Variants in MYOCD observed in about 807,000 individuals in gnomAD.
MYOCD encodes the protein myocardin.
Under a neutral mutation model 96.1 loss-of-function variants are expected in MYOCD, and 32 were observed. That is an observed-to-expected ratio of 0.33 (90% confidence interval 0.25 to 0.45). The LOEUF (loss-of-function observed/expected upper bound fraction) is 0.45, where lower values mean the gene tolerates loss of function less well. Ranked by LOEUF, MYOCD falls within the 20% of genes least tolerant of loss-of-function variation. The pLI, the probability that MYOCD is intolerant of heterozygous loss-of-function variation, is 1.00. For synonymous variants in MYOCD, 469 were observed against 469.0 expected (o/e 1.00, Z 0.00); for missense variants, 1,133 against 1,200.6 (o/e 0.94, Z 0.83).
chr17:12,761,636 C>CACAA (rs1405495986), intron 13 of MYOCD: 1 of 141,968 alleles, frequency 7.0e-6, no homozygotes, highest in Admixed American at 7.1e-5. Context: ...CACACACACA[C>CACAA]ATTTTTGAGA....
intron 2 of MYOCD, among the ~76,000 whole-genome samples, chr17:12,707,875 G>A (rs2031349665): frequency 6.6e-6 from 1 of 152,150 alleles, no homozygotes; most frequent in Non-Finnish European, 1.5e-5. Context: ...AAAAGAGGAA[G>A]AAAAGTTAAT....
At chr17:12,679,316 T>G (rs1910306109) in intron 1 of MYOCD, among the ~76,000 whole-genome samples, 1 of 152,112 alleles carries the variant, frequency 6.6e-6, no homozygotes, top group Non-Finnish European at 1.5e-5. Context: ...CAGGATTGGC[T>G]GGGAGAGGAG....
intron 1 of MYOCD, among the ~76,000 whole-genome samples, chr17:12,678,846 C>T (rs1354966260): frequency 6.6e-6 from 1 of 150,580 alleles, no homozygotes; most frequent in Non-Finnish European, 1.5e-5. Flanking sequence ...TAGGCACCTG[C>T]CACCACACCT....
At chr17:12,692,099 C>T (rs918610401) in intron 1 of MYOCD, among the ~76,000 whole-genome samples, 1 of 152,196 alleles carries the variant, frequency 6.6e-6, no homozygotes, top group South Asian at 2.1e-4. Flanking sequence ...CTATTCACCT[C>T]ATTTTGTGCC....
chr17:12,721,586 A>G (rs963737061), intron 4 of MYOCD, among the ~76,000 whole-genome samples: 5 of 152,180 alleles, frequency 3.3e-5, no homozygotes, highest in Non-Finnish European at 5.9e-5. Context: ...AAGGATAAGG[A>G]CCAGGCTCTC....
chr17:12,745,240 A>G (rs1318547289), intron 8 of MYOCD, among the ~76,000 whole-genome samples: 4 of 150,844 alleles, frequency 2.7e-5, no homozygotes, highest in East Asian at 1.9e-4. Context: ...ATGGAGTTTC[A>G]CTCTTGTTGC....
At chr17:12,710,834 C>T (rs1158092282) in intron 2 of MYOCD, among the ~76,000 whole-genome samples, 1 of 152,118 alleles carries the variant, frequency 6.6e-6, no homozygotes, top group Non-Finnish European at 1.5e-5. Flanking sequence ...TCATGTCAAT[C>T]CCATTTGGGT....
intron 1 of MYOCD, among the ~76,000 whole-genome samples, chr17:12,689,026 A>G (rs2030307793): frequency 6.6e-6 from 1 of 152,202 alleles, no homozygotes; most frequent in Admixed American, 6.5e-5. Flanking sequence ...TCTTAAAATT[A>G]AAAAATAAAC....
At chr17:12,684,542 A>G (rs901079314) in intron 1 of MYOCD, among the ~76,000 whole-genome samples, 6 of 152,204 alleles carry the variant, frequency 3.9e-5, no homozygotes, top group African/African-American at 1.4e-4. Context: ...TTGTTCAACA[A>G]TGATTAAGAA....
At chr17:12,760,204 G>A (rs1292500945) in intron 12 of MYOCD, 2 of 167,086 alleles carry the variant, frequency 1.2e-5, no homozygotes, top group Non-Finnish European at 2.6e-5. Flanking sequence ...TCACAACATA[G>A]ATCAACCTTA....
rs559756670 is a variant in MYOCD at position 12,762,878 on chromosome 17, C to T, written c.2390-195C>T. On this transcript the variant is annotated intron_variant, in intron 13 of 13. Transcript: ENST00000425538. ...TTTAATAATCACAGAGTGGAATTCC[C>T]AAGAGGAAAGGGTTTGGGAAAAACC... 43 of 571,090 alleles carry T rather than the reference C, an allele frequency of 7.5e-5. No individual in the cohort carries two copies. In the South Asian group the frequency reaches 9.9e-4, roughly 13 times the overall value. 35.4% of individuals were successfully genotyped at this position (571,090 alleles called of 1,614,324 possible).
intron 5 of MYOCD, among the ~76,000 whole-genome samples, chr17:12,726,756 A>G (rs974546531): frequency 6.6e-6 from 1 of 152,008 alleles, no homozygotes; most frequent in African/African-American, 2.4e-5. Context: ...ACCTTTTCAT[A>G]TTTTTTCATG....
intron 5 of MYOCD, among the ~76,000 whole-genome samples, chr17:12,734,899 A>AC (rs142751659): frequency 0.38 from 56,213 of 149,488 alleles, 10,846 homozygotes; most frequent in East Asian, 0.63. Flanking sequence ...TTTATAAATA[A>AC]CCTTGGAGCA....
intron 2 of MYOCD, chr17:12,710,540 T>C: frequency 1.0e-6 from 1 of 984,068 alleles, no homozygotes; most frequent in South Asian, 4.7e-5. Context: ...AAAACCTTGG[T>C]AAATCCCTGA....
At position 12,731,105 on chromosome 17, in the gene MYOCD, G is replaced by A. The variant is rs535504632; in HGVS notation, c.416-5056G>A. ...AGCAGGTCCTTGTCATCACAGCCCC[G>A]ACGCGTCTGCAGGGACAATAGCCAG... On this transcript the variant is annotated intron_variant, in intron 5 of 13. Transcript: ENST00000425538. Among the ~76,000 whole-genome samples the A allele has an allele frequency of 2.6e-5, 4 of 152,268 alleles. No individual in the cohort carries two copies. The East Asian group carries it at 5.8e-4, about 22-fold the overall frequency.
chr17:12,757,097 G>A lies in MYOCD; in HGVS notation c.2202+540G>A, dbSNP rs190868290. ...GGAAACAACATTGGAGGAAGAGAGA[G>A]GGACACAGATCCATGGACAGGATTG... is the stretch of plus-strand genomic sequence containing the variant. On this transcript the variant is annotated intron_variant, in intron 11 of 13. Coordinates refer to ENST00000425538, the MANE Select transcript of MYOCD (RefSeq NM_001146312.3). 4.0e-4 allele frequency among the ~76,000 whole-genome samples: 61 copies of A among 152,298 alleles called. No homozygotes were observed. The East Asian group carries it at 0.01, about 26-fold the overall frequency.
chr17:12,731,826 T>C (rs934484118), intron 5 of MYOCD, among the ~76,000 whole-genome samples: 2 of 152,208 alleles, frequency 1.3e-5, no homozygotes, highest in African/African-American at 4.8e-5. Context: ...GCCACTGCTA[T>C]GTACTTACAG....
At chr17:12,749,842 TTTTG>T (rs200724950) in intron 9 of MYOCD, among the ~76,000 whole-genome samples, 10 of 151,672 alleles carry the variant, frequency 6.6e-5, no homozygotes, top group Non-Finnish European at 7.4e-5. Context: ...GTTTAAAGTT[TTTTG>T]TTTGTTTGTT....
chr17:12,763,000 T>G, intron 13 of MYOCD, 73 bp from the exon 14 acceptor site: 1 of 1,307,048 alleles, frequency 7.7e-7, no homozygotes, highest in South Asian at 1.4e-5. Flanking sequence ...TGTATCTAAG[T>G]GTAACTCACT....
Sources: gnomAD v4.1 joint callset for allele counts (sites outside exome capture counted in the v4.1 genomes callset) on GRCh38, gnomAD v4.1.1 for gene constraint, MANE v1.5 for transcripts, NCBI Gene and HGNC (gene_info 2026-07-23, HGNC 2026-07-21) for gene names.